RBFOX1: variants seen among roughly 807,000 people sequenced by gnomAD.
RBFOX1 encodes the protein RNA binding protein fox-1 homolog 1.
RBFOX1 carries 8 observed loss-of-function variants against 57.7 expected under a neutral mutation model. That is an observed-to-expected ratio of 0.14 (90% confidence interval 0.08 to 0.25). RBFOX1 has a LOEUF of 0.25. RBFOX1 is among the 10% of genes least tolerant of loss of function. The pLI, the probability that RBFOX1 is intolerant of heterozygous loss-of-function variation, is 1.00. For missense variants in RBFOX1, 611 were observed against 548.5 expected (o/e 1.11, Z -1.14); for synonymous variants, 326 against 222.4 (o/e 1.47, Z -4.15).
At chr16:6,471,043 T>C (rs2095162872) in intron 2 of RBFOX1, among the ~76,000 whole-genome samples, 1 of 152,162 alleles carries the variant, frequency 6.6e-6, no homozygotes, top group African/African-American at 2.4e-5. Context: ...TCCATTTTCT[T>C]ATAGAGGAAT....
chr16:6,217,977 C>T (rs2097347099), intron 1 of RBFOX1, among the ~76,000 whole-genome samples: 4 of 152,142 alleles, frequency 2.6e-5, no homozygotes, highest in Admixed American at 6.5e-5. Context: ...GATCCTGCCA[C>T]TGCATTCTAG....
At chr16:7,512,822 C>A (rs533875500) in intron 4 of RBFOX1, among the ~76,000 whole-genome samples, 4 of 152,206 alleles carry the variant, frequency 2.6e-5, no homozygotes, top group African/African-American at 9.6e-5. Context: ...CCACTCCTTT[C>A]GAATGGTCAC....
intron 4 of RBFOX1, among the ~76,000 whole-genome samples, chr16:7,497,047 T>C (rs574294746): frequency 5.3e-5 from 8 of 152,208 alleles, no homozygotes; most frequent in African/African-American, 1.9e-4. Flanking sequence ...GTCCCCACCT[T>C]TTCCTGTCTC....
chr16:7,633,007 A>G (rs556580465), intron 11 of RBFOX1, among the ~76,000 whole-genome samples: 8 of 152,354 alleles, frequency 5.3e-5, no homozygotes, highest in Admixed American at 5.2e-4. Context: ...TCCATAATAA[A>G]ATAGCTGAAG....
chr16:5,542,243 GA>G (rs2044987107), intron 2 of RBFOX1, among the ~76,000 whole-genome samples: 1 of 130,256 alleles, frequency 7.7e-6, no homozygotes, highest in Admixed American at 8.2e-5. Flanking sequence ...CACAGGTATT[GA>G]TTTTTTTTTT....
At chr16:5,783,854 A>C (rs998461040) in intron 3 of RBFOX1, among the ~76,000 whole-genome samples, 1 of 152,164 alleles carries the variant, frequency 6.6e-6, no homozygotes, top group African/African-American at 2.4e-5. Flanking sequence ...TCATCTACAA[A>C]GTAAGGATCA....
chr16:5,673,115 C>T (rs1456799523), intron 3 of RBFOX1, among the ~76,000 whole-genome samples: 1 of 152,004 alleles, frequency 6.6e-6, no homozygotes, highest in Non-Finnish European at 1.5e-5. Context: ...AAAAGCAGGG[C>T]ACGCATTTTC....
At chr16:6,347,238 A>G (rs1451187266) in intron 2 of RBFOX1, among the ~76,000 whole-genome samples, 1 of 152,200 alleles carries the variant, frequency 6.6e-6, no homozygotes, top group East Asian at 1.9e-4. Flanking sequence ...AGAGTCAACT[A>G]GGGAAGTCAT....
At chr16:5,909,304 G>C (rs1428262369) in intron 4 of RBFOX1, among the ~76,000 whole-genome samples, 1 of 152,006 alleles carries the variant, frequency 6.6e-6, no homozygotes, top group African/African-American at 2.4e-5. Context: ...GTGTTAGCCA[G>C]GATGGTCTCG....
chr16:7,709,305 A>G (rs1285065015), intron 15 of RBFOX1, among the ~76,000 whole-genome samples, 174 bp downstream of exon 15: 1 of 152,160 alleles, frequency 6.6e-6, no homozygotes, highest in Non-Finnish European at 1.5e-5. Flanking sequence ...TAAATGTCTT[A>G]ATTTCTTGGC....
chr16:6,644,822 G>T (rs1404146528), intron 2 of RBFOX1, among the ~76,000 whole-genome samples: 1 of 152,170 alleles, frequency 6.6e-6, no homozygotes, highest in South Asian at 2.1e-4. Context: ...CTTAGACTAA[G>T]CGGAGGTGGC....
At position 7,596,366 on chromosome 16, in the gene RBFOX1, AT is replaced by A. The variant is rs1010538926; in HGVS notation, c.561+735del. 4.3e-4 allele frequency among the ~76,000 whole-genome samples: 64 copies of A among 149,002 alleles called. 1 individual carries two copies. Among genetic ancestry groups the A allele is most frequent in the African/African-American group, 1.0e-3 (42 of 40,652 alleles). On this transcript the variant is annotated intron_variant, in intron 8 of 15. Coordinates refer to ENST00000550418, the MANE Select transcript of RBFOX1 (RefSeq NM_018723.4). ...CATAGCCACAGGGTCATATTTGTTA[AT>A]TTTTTTTTTAATACCAGTTACAAAT... is the stretch of plus-strand genomic sequence containing the variant.
rs1555605486 is a variant in RBFOX1 at position 7,229,742 on chromosome 16, A to AGAAGGAAGGGAGAAAGAG, written c.27+177657_27+177658insAAGAGGAAGGAAGGGAGA. On this transcript the variant is annotated intron_variant, in intron 4 of 15. Transcript: ENST00000550418. ...AGAGGAAGCAAGGGAGGGAGGGGGA[A>AGAAGGAAGGGAGAAAGAG]GAAGGAAGGGAGAGAGAGGGAGGAA... Among the ~76,000 whole-genome samples, 129 of 83,938 alleles carry AGAAGGAAGGGAGAAAGAG rather than the reference A, an allele frequency of 1.5e-3. 29 individuals carry two copies. The highest frequency in any genetic ancestry group is 4.5e-3 in the African/African-American group (99 of 21,824). The allele number at this position is 83,938 out of a possible 152,430, so 55.1% of individuals were successfully genotyped here.
intron 10 of RBFOX1, among the ~76,000 whole-genome samples, chr16:7,619,766 A>AT (rs541996244): frequency 3.3e-5 from 5 of 150,694 alleles, no homozygotes; most frequent in Admixed American, 6.6e-5. Flanking sequence ...ACAGTTTCTA[A>AT]TTTTTTTTTT....
rs1455076809 is a variant in RBFOX1, at chr16:5,768,888, G to A, written c.319-98415G>A. ...CTGTTTTTTGTTTGTTTGTTTGTTT[G>A]TTTTCCCCCTGTAACCCATTGTATT... On this transcript the variant is annotated intron_variant, in intron 3 of 19. Coordinates refer to the RBFOX1 transcript ENST00000641259. Among the ~76,000 whole-genome samples the A allele has an allele frequency of 2.0e-5, 3 of 151,890 alleles. No homozygotes were observed. In the East Asian group the frequency reaches 5.8e-4, roughly 29 times the overall value.
chr16:7,496,642 A>T (rs1599997186), intron 4 of RBFOX1, among the ~76,000 whole-genome samples: 1 of 150,742 alleles, frequency 6.6e-6, no homozygotes, highest in East Asian at 2.0e-4. Context: ...GCAAGGCCTC[A>T]GTTTACTTGA....
At chr16:6,797,392 G>C (rs1200501582) in intron 3 of RBFOX1, among the ~76,000 whole-genome samples, 1 of 152,140 alleles carries the variant, frequency 6.6e-6, no homozygotes, top group Non-Finnish European at 1.5e-5. Flanking sequence ...GGTCGAAAGA[G>C]AGAGCGAGAG....
intron 4 of RBFOX1, among the ~76,000 whole-genome samples, chr16:7,374,279 G>A (rs2097642394): frequency 6.6e-6 from 1 of 152,138 alleles, no homozygotes; most frequent in Non-Finnish European, 1.5e-5. Flanking sequence ...CCGTGTTTTC[G>A]CTGTGTAAGG....
chr16:5,820,314 G>C (rs2055798348), intron 3 of RBFOX1, among the ~76,000 whole-genome samples: 1 of 152,178 alleles, frequency 6.6e-6, no homozygotes, highest in African/African-American at 2.4e-5. Context: ...AGGGCACAGA[G>C]ACGTTTGCTA....
Sources: gnomAD v4.1 joint callset for allele counts (sites outside exome capture counted in the v4.1 genomes callset) on GRCh38, gnomAD v4.1.1 for gene constraint, MANE v1.5 for transcripts, NCBI Gene and HGNC (gene_info 2026-07-23, HGNC 2026-07-21) for gene names.